Variants in SLC5A4 observed in about 807,000 individuals in gnomAD.
SLC5A4 encodes solute carrier family 5 member 4, also known as probable glucose sensor protein SLC5A4.
A neutral mutation model predicts 70.3 loss-of-function variants in SLC5A4; 55 were observed. That is an observed-to-expected ratio of 0.78 (90% CI 0.63 to 0.98). The LOEUF (loss-of-function observed/expected upper bound fraction) is 0.98, where lower values mean the gene tolerates loss of function less well. SLC5A4 is among the 50% of genes least tolerant of loss of function. The pLI is 0.00. For synonymous variants in SLC5A4, 268 were observed against 305.7 expected (o/e 0.88, Z 1.29); for missense variants, 735 against 839.2 (o/e 0.88, Z 1.53).
At chr22:32,284,780 G>T in the SLC5A4 span, 1 of 152,178 alleles carries the variant, frequency 6.6e-6, no homozygotes, top group Non-Finnish European at 1.5e-5. Flanking sequence ...AAATATTGTG[G>T]TAATTGTCTT....
chr22:32,257,018 C>T (rs1927519564), upstream of SLC5A4, among the ~76,000 whole-genome samples: 2 of 152,242 alleles, frequency 1.3e-5, no homozygotes, highest in African/African-American at 2.4e-5. Flanking sequence ...CACTATTTTA[C>T]ATTCTTTCCA....
the SLC5A4 span, among the ~76,000 whole-genome samples, chr22:32,283,870 T>C: frequency 4.7e-5 from 7 of 148,414 alleles, no homozygotes; most frequent in African/African-American, 1.8e-4. Flanking sequence ...AGCACACCCC[T>C]GAGAATGGTT....
the SLC5A4 span, among the ~76,000 whole-genome samples, chr22:32,314,811 G>A: frequency 1.4e-3 from 219 of 151,910 alleles, no homozygotes; most frequent in Non-Finnish European, 2.5e-3. Flanking sequence ...GATGGTGGCA[G>A]GCAAAGGGAC....
chr22:32,337,538 GA>G, the SLC5A4 span, among the ~76,000 whole-genome samples: 4 of 146,964 alleles, frequency 2.7e-5, no homozygotes, highest in Admixed American at 6.7e-5. Flanking sequence ...TCTCCAAAAA[GA>G]AAAAAAAGAA....
chr22:32,339,571 CG>C, the SLC5A4 span, among the ~76,000 whole-genome samples: 83 of 152,316 alleles, frequency 5.4e-4, no homozygotes, highest in Middle Eastern at 0.01. Flanking sequence ...CCTTCTGTTC[CG>C]CCGGGCCCTC....
rs1427736033 is a variant in SLC5A4, at chr22:32,223,873, C to T, written c.1665+394G>A. ...TAGGGTTCTTCTAGCTCTAGAGGTA[C>T]AATGAATACATTTCCTGGAACTCAT... On this transcript the variant is annotated intron_variant, in intron 13 of 14. Coordinates refer to ENST00000266086, the MANE Select transcript of SLC5A4 (RefSeq NM_014227.3). Among the ~76,000 whole-genome samples, 3 of 152,204 alleles carry T rather than the reference C, an allele frequency of 2.0e-5. No individual in the cohort carries two copies. In the East Asian group the frequency reaches 5.8e-4, roughly 29 times the overall value.
At chr22:32,272,392 G>A in the SLC5A4 span, 2 of 908,968 alleles carry the variant, frequency 2.2e-6, no homozygotes, top group Non-Finnish European at 3.6e-6. Flanking sequence ...GCGGGCCAGC[G>A]AGCTGACGGG....
At chr22:32,261,680 C>A in the SLC5A4 span, among the ~76,000 whole-genome samples, 1 of 152,234 alleles carries the variant, frequency 6.6e-6, no homozygotes. Flanking sequence ...AGCAGCAAAG[C>A]CAAGGGGCAA....
At chr22:32,246,280 A>T (rs1172048306) in intron 5 of SLC5A4, among the ~76,000 whole-genome samples, 1 of 152,214 alleles carries the variant, frequency 6.6e-6, no homozygotes, top group Non-Finnish European at 1.5e-5. Flanking sequence ...GGCTCATGCC[A>T]TCTAACCTAA....
chr22:32,246,328 G>A (rs994640122), intron 5 of SLC5A4, among the ~76,000 whole-genome samples: 1 of 152,204 alleles, frequency 6.6e-6, no homozygotes, highest in Non-Finnish European at 1.5e-5. Context: ...CGGTTCAACA[G>A]AGGAGCAATA....
intron 7 of SLC5A4, among the ~76,000 whole-genome samples, chr22:32,236,227 A>G (rs1926051337): frequency 1.3e-5 from 2 of 152,278 alleles, no homozygotes; most frequent in South Asian, 4.1e-4. Flanking sequence ...CATGCCGTCC[A>G]GTATGGCTAG....
the SLC5A4 span, among the ~76,000 whole-genome samples, chr22:32,288,661 C>T: frequency 6.6e-6 from 1 of 152,144 alleles, no homozygotes; most frequent in African/African-American, 2.4e-5. Flanking sequence ...ATTCTCCTGC[C>T]TCAGCCACCC....
chr22:32,335,397 A>T, the SLC5A4 span, among the ~76,000 whole-genome samples: 1 of 152,128 alleles, frequency 6.6e-6, no homozygotes. Flanking sequence ...ACCTCAAATG[A>T]GGGGTAAGTG....
In SLC5A4 at chr22:32,247,394, G is replaced by C; in HGVS notation, c.477+17C>G. 1 of 1,520,632 alleles carries C rather than the reference G, an allele frequency of 6.6e-7. No individual in the cohort carries two copies. The highest frequency in any genetic ancestry group is 9.1e-7 in the Non-Finnish European group (1 of 1,094,652). 94.2% of individuals were successfully genotyped at this position (1,520,632 alleles called of 1,614,324 possible). A position where few individuals can be genotyped will look rare whatever the true frequency, so the allele number is the denominator to read the frequency against. On this transcript the variant is annotated intron_variant, in intron 5 of 14. Transcript: ENST00000266086. ...CCAACCTCTTGAAGCTAAAATGCCAGGAGGCTCTGAACTCACAGAAATTAA... is the reference window on the plus strand; with the variant it reads ...CCAACCTCTTGAAGCTAAAATGCCACGAGGCTCTGAACTCACAGAAATTAA...
the SLC5A4 span, among the ~76,000 whole-genome samples, chr22:32,274,403 G>C: frequency 7.2e-5 from 11 of 152,152 alleles, no homozygotes; most frequent in African/African-American, 2.7e-4. Context: ...TGATGAAATA[G>C]TACCCCTCAT....
At chr22:32,261,343 G>A in the SLC5A4 span, among the ~76,000 whole-genome samples, 1 of 152,194 alleles carries the variant, frequency 6.6e-6, no homozygotes. Context: ...CCCTTCACAG[G>A]CCCCTACTCA....
chr22:32,262,045 A>G, the SLC5A4 span, among the ~76,000 whole-genome samples: 1 of 152,230 alleles, frequency 6.6e-6, no homozygotes, highest in African/African-American at 2.4e-5. Context: ...GTGCATATAC[A>G]TCACATTTGC....
chr22:32,241,799 G>A (rs1325043851), intron 5 of SLC5A4, among the ~76,000 whole-genome samples: 23 of 142,734 alleles, frequency 1.6e-4, no homozygotes, highest in Non-Finnish European at 3.0e-5. Flanking sequence ...GTGTGTGTGT[G>A]TGTGTATATA....
intron 11 of SLC5A4, among the ~76,000 whole-genome samples, chr22:32,226,541 C>A (rs1925410463): frequency 6.6e-6 from 1 of 152,180 alleles, no homozygotes; most frequent in Non-Finnish European, 1.5e-5. Flanking sequence ...GGGCAGGAGA[C>A]TGAAGCACAA....
Sources: allele counts gnomAD v4.1 joint callset (sites outside exome capture counted in the v4.1 genomes callset), GRCh38; gene constraint gnomAD v4.1.1; transcripts MANE v1.5; gene names NCBI Gene and HGNC (gene_info 2026-07-23, HGNC 2026-07-21).